SPMAP2L: variants seen among roughly 807,000 people sequenced by gnomAD.
SPMAP2L encodes sperm microtubule associated protein 2 like.
At chr4:56,537,749 GGC>G in the SPMAP2L span, among the ~76,000 whole-genome samples, 202 of 151,266 alleles carry the variant, frequency 1.3e-3, 1 homozygote, top group Admixed American at 2.4e-3. Flanking sequence ...GGAGTGCAGT[GGC>G]GCGCGATCTC....
At chr4:56,565,586 C>T in the SPMAP2L span, among the ~76,000 whole-genome samples, 592 of 152,182 alleles carry the variant, frequency 3.9e-3, 11 homozygotes, top group Non-Finnish European at 4.1e-3. Context: ...GCAAGGACAT[C>T]CATGAAAGTT....
the SPMAP2L span, among the ~76,000 whole-genome samples, chr4:56,543,252 A>T: frequency 5.3e-5 from 8 of 151,936 alleles, no homozygotes; most frequent in East Asian, 3.9e-4. Flanking sequence ...CCAGGCTAAT[A>T]TTTTGTATTT....
At chr4:56,598,940 G>C in the SPMAP2L span, among the ~76,000 whole-genome samples, 2 of 152,020 alleles carry the variant, frequency 1.3e-5, no homozygotes, top group African/African-American at 4.8e-5. Flanking sequence ...GGTTTTATAA[G>C]GGGCTTCCCC....
At chr4:56,601,778 G>A in the SPMAP2L span, among the ~76,000 whole-genome samples, 2 of 152,136 alleles carry the variant, frequency 1.3e-5, no homozygotes, top group African/African-American at 4.8e-5. Context: ...AAGGAAAAAG[G>A]AAAAAGAAAC....
the SPMAP2L span, among the ~76,000 whole-genome samples, chr4:56,612,575 CT>C: frequency 4.9e-3 from 578 of 117,636 alleles, 4 homozygotes; most frequent in Admixed American, 7.1e-3. Flanking sequence ...GAATTGTTTA[CT>C]TTTTTTTTTT....
the SPMAP2L span, among the ~76,000 whole-genome samples, chr4:56,539,500 C>T: frequency 6.6e-6 from 1 of 152,196 alleles, no homozygotes; most frequent in African/African-American, 2.4e-5. Context: ...CAGCTCACTG[C>T]AACCTCTGCC....
the SPMAP2L span, among the ~76,000 whole-genome samples, chr4:56,608,385 G>C: frequency 2.6e-5 from 4 of 152,288 alleles, no homozygotes; most frequent in Non-Finnish European, 1.5e-5. Context: ...AGAATGTTTG[G>C]TAAGGCGATT....
At chr4:56,625,203 C>A in the SPMAP2L span, among the ~76,000 whole-genome samples, 1 of 152,116 alleles carries the variant, frequency 6.6e-6, no homozygotes, top group Non-Finnish European at 1.5e-5. Flanking sequence ...TTTGGTTTGG[C>A]CAATTTCTCC....
the SPMAP2L span, among the ~76,000 whole-genome samples, chr4:56,577,343 C>CA: frequency 2.8e-4 from 42 of 152,100 alleles, no homozygotes; most frequent in South Asian, 8.3e-4. Context: ...AAAATAGGCA[C>CA]AAATAGACTG....
the SPMAP2L span, among the ~76,000 whole-genome samples, chr4:56,571,354 T>C: frequency 4.2e-4 from 64 of 151,594 alleles, no homozygotes; most frequent in Non-Finnish European, 9.3e-4. Flanking sequence ...TCTTGCTCTG[T>C]TGCCCTTACT....
the SPMAP2L span, among the ~76,000 whole-genome samples, chr4:56,560,926 A>G: frequency 5.9e-5 from 9 of 151,836 alleles, no homozygotes; most frequent in African/African-American, 2.2e-4. Flanking sequence ...TTGTATTTTT[A>G]GTAGAGACAG....
At chr4:56,592,581 G>T in the SPMAP2L span, among the ~76,000 whole-genome samples, 1 of 152,204 alleles carries the variant, frequency 6.6e-6, no homozygotes, top group Non-Finnish European at 1.5e-5. Flanking sequence ...GCCGCCACCC[G>T]GGGGACCGAG....
the SPMAP2L span, among the ~76,000 whole-genome samples, chr4:56,536,831 T>C: frequency 2.0e-5 from 3 of 152,186 alleles, no homozygotes; most frequent in East Asian, 5.8e-4. Context: ...TGGCATGATC[T>C]TGGCTCACTG....
the SPMAP2L span, among the ~76,000 whole-genome samples, chr4:56,588,963 A>G: frequency 6.6e-6 from 1 of 151,756 alleles, no homozygotes; most frequent in African/African-American, 2.4e-5. Context: ...TAGGTTCTCT[A>G]TTCTTTTCCA....
the SPMAP2L span, chr4:56,603,608 T>A: frequency 1.9e-5 from 5 of 257,412 alleles, no homozygotes; most frequent in Non-Finnish European, 2.9e-5. Flanking sequence ...GGCTGCCTCA[T>A]TGCTGTAGCT....
At chr4:56,563,231 T>C in the SPMAP2L span, among the ~76,000 whole-genome samples, 4 of 150,668 alleles carry the variant, frequency 2.7e-5, no homozygotes, top group African/African-American at 9.8e-5. Flanking sequence ...AAGCTAGGAC[T>C]ACAGGCACAT....
the SPMAP2L span, chr4:56,594,970 C>A: frequency 0.028 from 44,918 of 1,606,716 alleles, 3,467 homozygotes; most frequent in African/African-American, 0.28. Context: ...GGCCCATTGG[C>A]GTAAGAAATA....
the SPMAP2L span, among the ~76,000 whole-genome samples, chr4:56,566,841 C>A: frequency 6.6e-6 from 1 of 151,482 alleles, no homozygotes; most frequent in Non-Finnish European, 1.5e-5. Flanking sequence ...GGATTACAGG[C>A]ATGCGCAACC....
chr4:56,603,199 C>A, the SPMAP2L span: 1 of 1,504,614 alleles, frequency 6.6e-7, no homozygotes, highest in Non-Finnish European at 8.9e-7. Context: ...TTCTTTTTCC[C>A]CTATTTCAGG....
Sources: gnomAD v4.1 joint callset for allele counts (sites outside exome capture counted in the v4.1 genomes callset) on GRCh38, gnomAD v4.1.1 for gene constraint, MANE v1.5 for transcripts, NCBI Gene and HGNC (gene_info 2026-07-23, HGNC 2026-07-21) for gene names.